The following MSX2 variants were observed in gnomAD, a reference collection of about 807,000 sequenced individuals.
MSX2 encodes the protein homeobox protein MSX-2.
Under a neutral mutation model 18.4 loss-of-function variants are expected in MSX2, and 10 were observed. The ratio of observed to expected loss-of-function variants is 0.54; its 90% CI spans 0.34 to 0.92. The LOEUF (loss-of-function observed/expected upper bound fraction) is 0.92. Among genes scored for constraint, MSX2 ranks in the 40% least tolerant of loss-of-function variants. The pLI, the probability that MSX2 is intolerant of heterozygous loss-of-function variation, is 0.02. For synonymous variants in MSX2, 170 were observed against 165.6 expected, an observed-to-expected ratio of 1.03 and a Z score of -0.20; for missense variants, 339 against 364.0, an observed-to-expected ratio of 0.93 and a Z score of 0.56.
intron 1 of MSX2, among the ~76,000 whole-genome samples, chr5:174,726,500 T>C (rs1760800672): frequency 6.7e-6 from 1 of 149,948 alleles, no homozygotes; most frequent in Non-Finnish European, 1.5e-5. Context: ...TATTATCTTA[T>C]CTCCTCTGTA....
intron 1 of MSX2, among the ~76,000 whole-genome samples, chr5:174,727,040 C>T (rs1428186289): frequency 1.3e-5 from 2 of 149,088 alleles, no homozygotes; most frequent in Non-Finnish European, 3.0e-5. Flanking sequence ...ACATGTATCC[C>T]GGAACTTAAA....
intron 1 of MSX2, among the ~76,000 whole-genome samples, chr5:174,728,442 G>A (rs1299824568): frequency 6.6e-5 from 10 of 151,966 alleles, no homozygotes; most frequent in African/African-American, 2.2e-4. Flanking sequence ...ACTGTTTATT[G>A]CGTGGGACTG....
In MSX2 at chr5:174,728,995, GTA is replaced by G. The variant is rs367836491; in HGVS notation, c.380-160_380-159del. On this transcript the variant is annotated intron_variant, in intron 1 of 1. Coordinates refer to ENST00000239243, the MANE Select transcript of MSX2 (RefSeq NM_002449.5). ...TGTGTGTGTGTGTGTGTGTGTGTGT[GTA>G]TATGTATGTATATATAGATTTTTTT... Among the ~76,000 whole-genome samples the G allele has an allele frequency of 0.023, 3,486 of 150,486 alleles. 107 individuals carry two copies. Among genetic ancestry groups the G allele is most frequent in the African/African-American group, 0.076 (3,084 of 40,592 alleles).
intron 1 of MSX2, among the ~76,000 whole-genome samples, chr5:174,727,430 G>A (rs2113495952): frequency 6.6e-6 from 1 of 152,192 alleles, no homozygotes; most frequent in African/African-American, 2.4e-5. Flanking sequence ...CCCTGCCCAG[G>A]CGCACAGTGC....
chr5:174,724,823 ACAAGAAGCCGCC>A lies in MSX2; in HGVS notation c.169_180del (p.Lys57_Lys60del), dbSNP rs1369496892. ...TTCAGCGTGGAGGCGCTCATGTCCG[ACAAGAAGCCGCC>A]CAAGGAGGCGTCCCCGCTGCCGGCC... On this transcript the variant is annotated inframe_deletion, in exon 1 of 2. Transcript: ENST00000239243. The A allele has an allele frequency of 1.3e-6, 2 of 1,551,412 alleles. No individual in the cohort carries two copies. The highest frequency in any genetic ancestry group is 4.9e-5 in the East Asian group (2 of 41,200).
In MSX2 at chr5:174,730,190, A is replaced by G. The variant is rs1760897073; in HGVS notation, c.*607A>G. 1 of 152,222 alleles carries G rather than the reference A, an allele frequency of 6.6e-6. No homozygotes were observed. The highest frequency in any genetic ancestry group is 1.5e-5 in the Non-Finnish European group (1 of 68,070). The allele number at this position is 152,222 out of a possible 1,614,324, so 9.4% of individuals were successfully genotyped here. ...CTTGCATTAAAAGAAACCTCTTTAT[A>G]TACTACAGTTGTTCCTATCTCTCCC... On this transcript the variant is annotated 3_prime_UTR_variant, in exon 2 of 2. Coordinates refer to ENST00000239243, the MANE Select transcript of MSX2 (RefSeq NM_002449.5).
chr5:174,726,972 C>T (rs1760814936), intron 1 of MSX2, among the ~76,000 whole-genome samples: 1 of 152,068 alleles, frequency 6.6e-6, no homozygotes. Flanking sequence ...AGGCTGTGAC[C>T]TTCCCATGAA....
Position 174,729,888 on chromosome 5 carries a change from C to T in MSX2, c.*305C>T, listed in dbSNP as rs143672195. On this transcript the variant is annotated 3_prime_UTR_variant, in exon 2 of 2. Transcript: ENST00000239243. Reference sequence around the variant, plus strand: ...ATATAATACATTTTTATACAGCAGACGTAAAAATTCAAATTATTTTAAAAG... The same window carrying T: ...ATATAATACATTTTTATACAGCAGATGTAAAAATTCAAATTATTTTAAAAG... 2.6e-4 allele frequency: 40 copies of T among 154,976 alleles called. No individual in the cohort carries two copies. The highest frequency in any genetic ancestry group is 8.2e-4 in the African/African-American group (34 of 41,438). 9.6% of individuals were successfully genotyped at this position (154,976 alleles called of 1,614,324 possible).
At chr5:174,727,652 C>G (rs1398413905) in intron 1 of MSX2, among the ~76,000 whole-genome samples, 1 of 152,184 alleles carries the variant, frequency 6.6e-6, no homozygotes, top group African/African-American at 2.4e-5. Flanking sequence ...TTAGCAAATG[C>G]AAAAGTATAG....
chr5:174,728,266 A>G (rs1469528379), intron 1 of MSX2, among the ~76,000 whole-genome samples: 5 of 152,232 alleles, frequency 3.3e-5, no homozygotes, highest in Non-Finnish European at 7.3e-5. Flanking sequence ...TGGAGGCAGC[A>G]TGATTTCCCC....
At chr5:174,726,495 T>C (rs1399799641) in intron 1 of MSX2, among the ~76,000 whole-genome samples, 2 of 151,120 alleles carry the variant, frequency 1.3e-5, no homozygotes, top group Admixed American at 6.6e-5. Context: ...CACCGTATTA[T>C]CTTATCTCCT....
chr5:174,724,892 C>G lies in MSX2; in HGVS notation c.233C>G (p.Pro78Arg), dbSNP rs1760745982. 2 of 1,565,918 alleles carry G rather than the reference C, an allele frequency of 1.3e-6. No individual in the cohort carries two copies. Among genetic ancestry groups the G allele is most frequent in the African/African-American group, 1.3e-5 (1 of 74,406 alleles). The part of the protein sequence containing the change: ...ESASAGATLR[P>R]LLLSGHGARE... Reference sequence around the variant, plus strand: ...GCCTCGGCCGGGGCCACCCTGCGGCCACTGCTGCTGTCGGGGCACGGCGCT... The same window carrying G: ...GCCTCGGCCGGGGCCACCCTGCGGCGACTGCTGCTGTCGGGGCACGGCGCT... Residue 78 changes from proline (P) to arginine (R), a missense_variant, in exon 1 of 2, where the codon CCA (proline) becomes CGA (arginine). Physicochemically the swap from Pro to Arg is moderately radical, Grantham distance 103 (BLOSUM62 -2). Transcript: ENST00000239243.
At chr5:174,727,904 A>G (rs547384045) in intron 1 of MSX2, among the ~76,000 whole-genome samples, 36 of 152,368 alleles carry the variant, frequency 2.4e-4, no homozygotes, top group Non-Finnish European at 4.7e-4. Flanking sequence ...ACATTCTCCC[A>G]TGAATACATT....
intron 1 of MSX2, 126 bp downstream of exon 1, chr5:174,725,164 C>T: frequency 7.0e-7 from 1 of 1,432,430 alleles, no homozygotes. Context: ...AAAGCAAGCC[C>T]AGGGCCTCTG....
rs1760729786 is a variant in MSX2 at position 174,724,599 on chromosome 5, G to A, written c.-61G>A. On this transcript the variant is annotated 5_prime_UTR_variant, in exon 1 of 2. Transcript: ENST00000239243. ...CCGTCTCCGCAGCAAAAAAGTTTGAGTCGCCGCTGCCGGGTTGCCAGCGGA... is the reference window on the plus strand; with the variant it reads ...CCGTCTCCGCAGCAAAAAAGTTTGAATCGCCGCTGCCGGGTTGCCAGCGGA... 6 of 1,545,904 alleles carry A rather than the reference G, an allele frequency of 3.9e-6. No individual in the cohort carries two copies. The South Asian group carries it at 4.8e-5, about 12-fold the overall frequency.
In MSX2 at chr5:174,724,699, G is replaced by T; in HGVS notation, c.40G>T (p.Asp14Tyr). ...CAAAGGCAATGACTTGTTTTCGCCCGACGAGGAGGGCCCAGCAGTGGTGGC... is the reference window on the plus strand; with the variant it reads ...CAAAGGCAATGACTTGTTTTCGCCCTACGAGGAGGGCCCAGCAGTGGTGGC... ...PSKGNDLFSPDEEGPAVVAGP... is the reference protein window; with the variant it reads ...PSKGNDLFSPYEEGPAVVAGP... The change falls in exon 1 of 2, where the codon GAC becomes TAC. Residue 14 changes from aspartate to tyrosine, a missense_variant. Physicochemically the swap from Asp to Tyr is radical, Grantham distance 160 (BLOSUM62 -3). Coordinates refer to ENST00000239243, the MANE Select transcript of MSX2 (RefSeq NM_002449.5). 1.3e-6 allele frequency: 2 copies of T among 1,595,606 alleles called. No individual in the cohort carries two copies. The highest frequency in any genetic ancestry group is 8.5e-7 in the Non-Finnish European group (1 of 1,172,152).
chr5:174,726,015 C>T (rs1218415932), intron 1 of MSX2, among the ~76,000 whole-genome samples: 1 of 152,208 alleles, frequency 6.6e-6, no homozygotes, highest in East Asian at 1.9e-4. Flanking sequence ...TTTGCGTCCT[C>T]TCCCCAGAGA....
Position 174,729,615 on chromosome 5 carries a change from T to A in MSX2, c.*32T>A. ...CCAGATCAATAGACTCCATGATGGA[T>A]GCTTGTTTCAAAGGGTTTCCTCTCC... On this transcript the variant is annotated 3_prime_UTR_variant, in exon 2 of 2. Transcript: ENST00000239243. 6.3e-7 allele frequency: 1 copy of A among 1,598,618 alleles called. No homozygotes were observed. The highest frequency in any genetic ancestry group is 8.5e-7 in the Non-Finnish European group (1 of 1,175,384).
In MSX2 at chr5:174,729,202, C is replaced by A. The variant is rs750764615; in HGVS notation, c.423C>A (p.Thr141=). 2 of 1,614,106 alleles carry A rather than the reference C, an allele frequency of 1.2e-6. No individual in the cohort carries two copies. The highest frequency in any genetic ancestry group is 1.7e-6 in the Non-Finnish European group (2 of 1,180,034). ...CCTGCACCCTGAGGAAACACAAGAC[C>A]AATCGGAAGCCGCGCACGCCCTTTA... is the stretch of plus-strand genomic sequence containing the variant. ...PTTCTLRKHK[T]NRKPRTPFTT... Residue 141 remains threonine (T), a synonymous_variant, in exon 2 of 2, where the codon ACC becomes ACA. Coordinates refer to ENST00000239243, the MANE Select transcript of MSX2 (RefSeq NM_002449.5).
Sources: allele counts gnomAD v4.1 joint callset (sites outside exome capture counted in the v4.1 genomes callset), GRCh38; gene constraint gnomAD v4.1.1; transcripts MANE v1.5; gene names NCBI Gene and HGNC (gene_info 2026-07-23, HGNC 2026-07-21).